MCUB: variants seen among roughly 807,000 people sequenced by gnomAD.
The protein encoded by MCUB is mitochondrial calcium uniporter dominant negative subunit beta, also known as calcium uniporter regulatory subunit MCUb, mitochondrial.
A neutral mutation model predicts 41.4 loss-of-function variants in MCUB; 46 were observed. The ratio of observed to expected loss-of-function variants is 1.11; its 90% CI spans 0.88 to 1.42. The LOEUF (loss-of-function observed/expected upper bound fraction) is 1.42, where lower values mean the gene tolerates loss of function less well. MCUB is among the 40% of genes most tolerant of loss of function. The pLI is 0.00. For synonymous variants in MCUB, 148 were observed against 148.2 expected, an observed-to-expected ratio of 1.00 and a Z score of 0.01; for missense variants, 403 against 404.9, an observed-to-expected ratio of 1.00 and a Z score of 0.04.
chr4:109,642,682 C>CT (rs1281900920), intron 1 of MCUB, among the ~76,000 whole-genome samples: 2 of 151,944 alleles, frequency 1.3e-5, no homozygotes, highest in Admixed American at 6.6e-5. Flanking sequence ...AGCTCAACTT[C>CT]TTTTTAGGCT....
intron 1 of MCUB, among the ~76,000 whole-genome samples, chr4:109,635,829 G>A (rs180825771): frequency 1.3e-5 from 2 of 152,282 alleles, no homozygotes; most frequent in Admixed American, 6.5e-5. Context: ...CATCCGAGCC[G>A]TATCATTTGT....
intron 6 of MCUB, 166 bp from the exon 7 acceptor site, chr4:109,685,085 T>G: frequency 2.0e-6 from 1 of 492,970 alleles, no homozygotes; most frequent in East Asian, 3.1e-5. Context: ...TAAATGAGAC[T>G]AAATGTTTTG....
rs10557098 is a variant in MCUB at position 109,618,952 on chromosome 4, TTCTCTCTCTCTCTC to T, written c.100-40035_100-40022del. Among the ~76,000 whole-genome samples, 73 of 127,730 alleles carry T rather than the reference TTCTCTCTCTCTCTC, an allele frequency of 5.7e-4. 1 individual carries two copies. Among genetic ancestry groups the T allele is most frequent in the East Asian group, 4.4e-3 (18 of 4,136 alleles). 83.8% of individuals were successfully genotyped at this position (127,730 alleles called of 152,430 possible). A position where few individuals can be genotyped will look rare whatever the true frequency, so the allele number is the denominator to read the frequency against. ...TCAAGTTCATTATTGAACATTAAAC[TTCTCTCTCTCTCTC>T]TCTCTCTCTCTCTCTCTCTCTCTAC... On this transcript the variant is annotated intron_variant, in intron 1 of 7. Transcript: ENST00000394650.
intron 1 of MCUB, among the ~76,000 whole-genome samples, chr4:109,643,891 C>T (rs143806778): frequency 6.6e-6 from 1 of 152,156 alleles, no homozygotes. Context: ...AACACTAAAG[C>T]TGTAAAACAT....
intron 3 of MCUB, among the ~76,000 whole-genome samples, chr4:109,662,372 C>T (rs1729248687): frequency 6.6e-6 from 1 of 152,166 alleles, no homozygotes; most frequent in African/African-American, 2.4e-5. Flanking sequence ...GTCAGAAGGG[C>T]CTGCACTGAG....
chr4:109,566,643 C>A (rs1233264250), intron 1 of MCUB, among the ~76,000 whole-genome samples: 5 of 152,044 alleles, frequency 3.3e-5, no homozygotes, highest in African/African-American at 1.2e-4. Context: ...CCTGGTAAAA[C>A]AACAAAATGG....
At chr4:109,682,807 T>C (rs981514619) in intron 5 of MCUB, 65 bp downstream of exon 5, 1 of 1,253,474 alleles carries the variant, frequency 8.0e-7, no homozygotes, top group Non-Finnish European at 1.1e-6. Flanking sequence ...GTGCTCCTCA[T>C]GTGAGCATTT....
intron 7 of MCUB, among the ~76,000 whole-genome samples, chr4:109,687,245 G>A (rs966466054): frequency 1.3e-5 from 2 of 152,056 alleles, no homozygotes; most frequent in African/African-American, 4.8e-5. Context: ...TGTGGTCCTA[G>A]CTACTTGGGA....
At chr4:109,591,701 T>G (rs1727440986) in intron 1 of MCUB, among the ~76,000 whole-genome samples, 2 of 152,078 alleles carry the variant, frequency 1.3e-5, no homozygotes, top group Admixed American at 6.5e-5. Context: ...TCCCATTGTT[T>G]GTTTGTTTGT....
chr4:109,612,519 G>A (rs1281996756), intron 1 of MCUB, among the ~76,000 whole-genome samples: 1 of 151,920 alleles, frequency 6.6e-6, no homozygotes, highest in Admixed American at 6.6e-5. Context: ...GACTGCCCCG[G>A]CCTCCCAAAG....
chr4:109,629,592 A>G (rs1431761262), intron 1 of MCUB, among the ~76,000 whole-genome samples: 3 of 152,222 alleles, frequency 2.0e-5, no homozygotes, highest in Non-Finnish European at 4.4e-5. Context: ...CAGGGTTCCC[A>G]CTGTCCTCTC....
Position 109,677,656 on chromosome 4 carries a change from G to A in MCUB, c.452-4926G>A, listed in dbSNP as rs150991617. On this transcript the variant is annotated intron_variant, in intron 4 of 7. Coordinates refer to ENST00000394650, the MANE Select transcript of MCUB (RefSeq NM_017918.5). ...CAGTGGGTTCCTTAATAAAGGACAAGTTCAGCCCCTGCTTGCTCTCTCTCA... is the reference window on the plus strand; with the variant it reads ...CAGTGGGTTCCTTAATAAAGGACAAATTCAGCCCCTGCTTGCTCTCTCTCA... Among the ~76,000 whole-genome samples, 777 of 152,244 alleles carry A rather than the reference G, an allele frequency of 5.1e-3. 4 individuals are homozygous for A. Among genetic ancestry groups the A allele is most frequent in the African/African-American group, 0.018 (734 of 41,536 alleles).
intron 4 of MCUB, among the ~76,000 whole-genome samples, chr4:109,666,765 C>T (rs1729354780): frequency 6.6e-6 from 1 of 152,092 alleles, no homozygotes; most frequent in Non-Finnish European, 1.5e-5. Flanking sequence ...GAGGAAATTG[C>T]CCTCTGTTCC....
chr4:109,651,658 C>T (rs1220492882), intron 1 of MCUB, among the ~76,000 whole-genome samples: 1 of 152,140 alleles, frequency 6.6e-6, no homozygotes, highest in Non-Finnish European at 1.5e-5. Context: ...CATTATTACA[C>T]ATTAAAAACC....
At chr4:109,615,695 C>T (rs904193438) in intron 1 of MCUB, among the ~76,000 whole-genome samples, 2 of 152,128 alleles carry the variant, frequency 1.3e-5, no homozygotes, top group African/African-American at 2.4e-5. Context: ...AGGCATGAGC[C>T]ACCGCGCCCG....
At chr4:109,671,593 A>G (rs963190934) in intron 4 of MCUB, among the ~76,000 whole-genome samples, 4 of 152,040 alleles carry the variant, frequency 2.6e-5, no homozygotes, top group African/African-American at 4.8e-5. Flanking sequence ...CTAAGTTTCT[A>G]TCTCTCCATT....
At chr4:109,564,977 G>A (rs970405810) in intron 1 of MCUB, among the ~76,000 whole-genome samples, 18 of 152,180 alleles carry the variant, frequency 1.2e-4, no homozygotes, top group African/African-American at 4.3e-4. Context: ...GAGCACCTTC[G>A]ATGGGCAAAG....
At chr4:109,587,461 T>C (rs962769099) in intron 1 of MCUB, among the ~76,000 whole-genome samples, 2 of 152,208 alleles carry the variant, frequency 1.3e-5, no homozygotes, top group Non-Finnish European at 2.9e-5. Context: ...CTCCATGGGC[T>C]GTACCCACTG....
At chr4:109,644,133 A>C (rs1454667332) in intron 1 of MCUB, among the ~76,000 whole-genome samples, 2 of 152,206 alleles carry the variant, frequency 1.3e-5, no homozygotes, top group Non-Finnish European at 2.9e-5. Context: ...TTTGTTAGAA[A>C]AGTTATAGTT....
Sources: allele counts gnomAD v4.1 joint callset (sites outside exome capture counted in the v4.1 genomes callset), GRCh38; gene constraint gnomAD v4.1.1; transcripts MANE v1.5; gene names NCBI Gene and HGNC (gene_info 2026-07-23, HGNC 2026-07-21).